ABI3BP: variants seen among roughly 807,000 people sequenced by gnomAD.
ABI3BP encodes target of Nesh-SH3.
ABI3BP carries 216 observed loss-of-function variants against 268.6 expected under a neutral mutation model. That is an observed-to-expected ratio of 0.80 (90% CI 0.72 to 0.90). ABI3BP has a LOEUF of 0.90. ABI3BP is among the 40% of genes least tolerant of loss of function. The pLI, the probability that ABI3BP is intolerant of heterozygous loss-of-function variation, is 0.00. For synonymous variants in ABI3BP, 730 were observed against 730.0 expected (o/e 1.00, Z 0.00); for missense variants, 2,090 against 2,182.4 (o/e 0.96, Z 0.84).
rs1292211781 is a variant in ABI3BP at position 100,749,473 on chromosome 3, A to G, written c.*1022T>C. 2 of 394,390 alleles carry G rather than the reference A, an allele frequency of 5.1e-6. No individual in the cohort carries two copies. The highest frequency in any genetic ancestry group is 4.4e-5 in the Admixed American group (1 of 22,616). 24.4% of individuals were successfully genotyped at this position (394,390 alleles called of 1,614,324 possible). A position where few individuals can be genotyped will look rare whatever the true frequency, so the allele number is the denominator to read the frequency against. On this transcript the variant is annotated 3_prime_UTR_variant, in exon 68 of 68. Coordinates refer to ENST00000471714, the MANE Select transcript of ABI3BP (RefSeq NM_001375547.2). ...TCAGAATGACTGCAACAGTGCAGCA[A>G]GGATTCCCATTCCCCGCCTAAAGGA...
intron 8 of ABI3BP, among the ~76,000 whole-genome samples, chr3:100,875,279 C>G (rs41273551): frequency 0.11 from 16,139 of 152,254 alleles, 1,138 homozygotes; most frequent in Middle Eastern, 0.19. Context: ...CAGGTGCCAT[C>G]ATTCCCACTG....
chr3:100,780,132 C>T lies in ABI3BP; in HGVS notation c.4240G>A (p.Gly1414Arg). Residue 1414 changes from glycine (G) to arginine (R), a missense_variant and splice_region_variant, in exon 58 of 68, where the codon GGG becomes AGG. Coordinates refer to ENST00000471714, the MANE Select transcript of ABI3BP (RefSeq NM_001375547.2). Reference sequence around the variant, plus strand: ...TAAAAGTCAGCATGTTATTACTTACCTGGCTTTTTAGTGGGGTGGGTAGAG... The same window carrying T: ...TAAAAGTCAGCATGTTATTACTTACTTGGCTTTTTAGTGGGGTGGGTAGAG... ...VDSTHPTKKP[G>R]TRRPPLPPRP... is the part of the protein sequence containing the mutation. 1 of 1,612,656 alleles carries T rather than the reference C, an allele frequency of 6.2e-7. No individual in the cohort carries two copies. Among genetic ancestry groups the T allele is most frequent in the Non-Finnish European group, 8.5e-7 (1 of 1,178,988 alleles).
intron 16 of ABI3BP, 135 bp downstream of exon 16, chr3:100,850,525 G>GA (rs2098825819): frequency 4.5e-6 from 3 of 660,318 alleles, no homozygotes; most frequent in Non-Finnish European, 7.8e-6. Context: ...AAAATATATA[G>GA]ATGTATATAT....
chr3:100,901,386 G>T (rs1230487469), intron 3 of ABI3BP, among the ~76,000 whole-genome samples: 1 of 152,096 alleles, frequency 6.6e-6, no homozygotes, highest in Non-Finnish European at 1.5e-5. Flanking sequence ...CAAACAAAAA[G>T]ATCCTTTTAT....
At chr3:100,971,729 G>A (rs79715307) in intron 1 of ABI3BP, among the ~76,000 whole-genome samples, 1,759 of 152,274 alleles carry the variant, frequency 0.012, 18 homozygotes, top group South Asian at 0.037. Context: ...TAAGCACAGA[G>A]CTTTATATGT....
intron 4 of ABI3BP, among the ~76,000 whole-genome samples, chr3:100,889,060 T>C (rs2043269184): frequency 6.6e-6 from 1 of 152,138 alleles, no homozygotes; most frequent in African/African-American, 2.4e-5. Context: ...GACATATTGA[T>C]TTAAGCCATT....
At position 100,750,083 on chromosome 3, in the gene ABI3BP, G is replaced by GATTT. The variant is rs2149143886; in HGVS notation, c.*408_*411dup. Reference sequence around the variant, plus strand: ...GATCCAATAAGTTAAACTAAGTAGAGATTTATGGAATTAACTCATCAATAG... The same window carrying GATTT: ...GATCCAATAAGTTAAACTAAGTAGAGATTTATTTATGGAATTAACTCATCAATAG... On this transcript the variant is annotated 3_prime_UTR_variant, in exon 68 of 68. Coordinates refer to ENST00000471714, the MANE Select transcript of ABI3BP (RefSeq NM_001375547.2). 4.1e-6 allele frequency: 1 copy of GATTT among 242,228 alleles called. No individual in the cohort carries two copies. The highest frequency in any genetic ancestry group is 8.2e-5 in the East Asian group (1 of 12,222). The allele number at this position is 242,228 out of a possible 1,614,324, so 15.0% of individuals were successfully genotyped here. A position where few individuals can be genotyped will look rare whatever the true frequency, so the allele number is the denominator to read the frequency against.
In ABI3BP at chr3:100,955,542, T is replaced by C. The variant is rs544636723; in HGVS notation, c.80-29061A>G. On this transcript the variant is annotated intron_variant, in intron 1 of 67. Coordinates refer to ENST00000471714, the MANE Select transcript of ABI3BP (RefSeq NM_001375547.2). ...TTTAAATTAGACTATTCTCTGCCTGTATCCTCCATTGTTTGGATAATATTT... is the reference window on the plus strand; with the variant it reads ...TTTAAATTAGACTATTCTCTGCCTGCATCCTCCATTGTTTGGATAATATTT... Among the ~76,000 whole-genome samples the C allele has an allele frequency of 3.3e-5, 5 of 152,360 alleles. No homozygotes were observed. In the East Asian group the frequency reaches 9.6e-4, roughly 29 times the overall value.
chr3:100,910,597 A>C (rs1404570076), intron 2 of ABI3BP, among the ~76,000 whole-genome samples: 10 of 151,588 alleles, frequency 6.6e-5, no homozygotes, highest in African/African-American at 2.4e-4. Context: ...TTGGTCTCTA[A>C]CTCCTGGCCT....
chr3:100,905,047 G>A (rs2052613981), intron 2 of ABI3BP, among the ~76,000 whole-genome samples: 1 of 152,184 alleles, frequency 6.6e-6, no homozygotes, highest in African/African-American at 2.4e-5. Context: ...TTAAGAAAAT[G>A]TAGCACATAT....
chr3:100,828,010 TA>T (rs1173482442), intron 34 of ABI3BP, among the ~76,000 whole-genome samples: 2 of 151,228 alleles, frequency 1.3e-5, no homozygotes, highest in African/African-American at 4.9e-5. Context: ...GCAAGTGGGA[TA>T]AAAAAACAAA....
At chr3:100,850,218 C>T (rs1056956801) in intron 16 of ABI3BP, 99 bp from the exon 17 acceptor site, 19 of 995,400 alleles carry the variant, frequency 1.9e-5, no homozygotes, top group Admixed American at 7.1e-5. Context: ...GCACATGCCA[C>T]GAGTACATGA....
intron 1 of ABI3BP, among the ~76,000 whole-genome samples, chr3:100,988,468 G>A (rs1267304803): frequency 6.6e-6 from 1 of 152,040 alleles, no homozygotes; most frequent in Non-Finnish European, 1.5e-5. Context: ...GGGTTGCCTG[G>A]GCTCTGGGCC....
In ABI3BP at chr3:100,816,669, C is replaced by G. The variant is rs1259927972; in HGVS notation, c.3229+19G>C. On this transcript the variant is annotated intron_variant, in intron 43 of 67. Coordinates refer to ENST00000471714, the MANE Select transcript of ABI3BP (RefSeq NM_001375547.2). ...GTTCAGGTTCCTTGGCTACTTAAGC[C>G]AAGGATTCATACATTTACCCGATTT... 2.0e-6 allele frequency: 3 copies of G among 1,533,658 alleles called. No homozygotes were observed.
intron 63 of ABI3BP, among the ~76,000 whole-genome samples, chr3:100,759,092 G>C (rs984174918): frequency 6.6e-6 from 1 of 152,104 alleles, no homozygotes; most frequent in Admixed American, 6.6e-5. Flanking sequence ...GATTTAAAAA[G>C]TTGGTTTTCA....
chr3:100,888,345 T>C (rs184419595), intron 4 of ABI3BP, among the ~76,000 whole-genome samples: 3 of 152,268 alleles, frequency 2.0e-5, no homozygotes, highest in Non-Finnish European at 4.4e-5. Flanking sequence ...ACAAATACGC[T>C]GCATGAAATT....
intron 1 of ABI3BP, among the ~76,000 whole-genome samples, chr3:100,929,631 A>G (rs2062979196): frequency 6.6e-6 from 1 of 152,058 alleles, no homozygotes; most frequent in Non-Finnish European, 1.5e-5. Flanking sequence ...CCAGTAACTC[A>G]AATGTCTTCA....
chr3:100,911,693 C>G, intron 2 of ABI3BP: 1 of 764,954 alleles, frequency 1.3e-6, no homozygotes, highest in East Asian at 2.4e-5. Context: ...GATTGGCAAC[C>G]ACTAAAGGTA....
chr3:100,757,202 A>C (rs1442728823), intron 63 of ABI3BP, among the ~76,000 whole-genome samples: 2 of 152,152 alleles, frequency 1.3e-5, no homozygotes, highest in Non-Finnish European at 2.9e-5. Context: ...GGAATTGTAG[A>C]AGAAAGAAAG....
Sources: gnomAD v4.1 joint callset for allele counts (sites outside exome capture counted in the v4.1 genomes callset) on GRCh38, gnomAD v4.1.1 for gene constraint, MANE v1.5 for transcripts, NCBI Gene and HGNC (gene_info 2026-07-23, HGNC 2026-07-21) for gene names.